Variants in TIAM1 observed in about 807,000 individuals in gnomAD.
TIAM1 encodes the protein TIAM Rac1 associated GEF 1.
TIAM1 carries 65 observed loss-of-function variants against 163.5 expected under a neutral mutation model. The ratio of observed to expected loss-of-function variants is 0.40; its 90% CI spans 0.33 to 0.49. The LOEUF (loss-of-function observed/expected upper bound fraction) is 0.49, where lower values mean the gene tolerates loss of function less well. Ranked by LOEUF, TIAM1 falls within the 20% of genes least tolerant of loss-of-function variation. TIAM1 has a pLI of 0.77. For missense variants in TIAM1, 1,789 were observed against 2,044.7 expected (o/e 0.87, Z 2.41); for synonymous variants, 833 against 810.1 (o/e 1.03, Z -0.48).
chr21:31,152,234 C>T (rs868826008), intron 19 of TIAM1, among the ~76,000 whole-genome samples: 4 of 151,978 alleles, frequency 2.6e-5, no homozygotes, highest in Non-Finnish European at 5.9e-5. Flanking sequence ...GATTTTGCCA[C>T]GTTGGCCAGG....
At chr21:31,546,049 G>GA (rs1262907780) in intron 1 of TIAM1, among the ~76,000 whole-genome samples, 4 of 145,082 alleles carry the variant, frequency 2.8e-5, no homozygotes, top group East Asian at 2.0e-4. Flanking sequence ...TACAGGAAGA[G>GA]AAAAAAATTG....
chr21:31,526,359 T>A (rs949546031), intron 1 of TIAM1, among the ~76,000 whole-genome samples: 32 of 152,232 alleles, frequency 2.1e-4, no homozygotes, highest in African/African-American at 6.8e-4. Flanking sequence ...GATGAGTGCA[T>A]GCACGGCGGA....
At chr21:31,299,287 C>G (rs1425837906) in intron 2 of TIAM1, among the ~76,000 whole-genome samples, 1 of 152,176 alleles carries the variant, frequency 6.6e-6, no homozygotes, top group African/African-American at 2.4e-5. Flanking sequence ...TTTCGCAGCC[C>G]TCCTTTTTAA....
chr21:31,485,148 C>T (rs2046231371), intron 1 of TIAM1, among the ~76,000 whole-genome samples: 1 of 152,142 alleles, frequency 6.6e-6, no homozygotes, highest in Non-Finnish European at 1.5e-5. Flanking sequence ...CTAAGACAAG[C>T]ACCAATCGTA....
chr21:31,203,409 C>T (rs575225930), intron 11 of TIAM1, among the ~76,000 whole-genome samples: 22 of 152,340 alleles, frequency 1.4e-4, no homozygotes, highest in African/African-American at 5.1e-4. Context: ...AGGCGTGGGC[C>T]ACTGCTCCCG....
chr21:31,415,352 C>T (rs925737900), intron 2 of TIAM1, among the ~76,000 whole-genome samples: 1 of 152,150 alleles, frequency 6.6e-6, no homozygotes, highest in Admixed American at 6.5e-5. Context: ...ACTCAGTTAC[C>T]GTCTAAGCAA....
chr21:31,294,506 AG>A (rs546720609), intron 2 of TIAM1, among the ~76,000 whole-genome samples: 177 of 152,342 alleles, frequency 1.2e-3, no homozygotes, highest in African/African-American at 3.7e-3. Flanking sequence ...TTTGAGCACC[AG>A]GGTAACCTGT....
In TIAM1 at chr21:31,245,653, C is replaced by T. The variant is rs759760493; in HGVS notation, c.1419G>A (p.Thr473=). The T allele has an allele frequency of 1.2e-5, 19 of 1,573,608 alleles. No individual in the cohort carries two copies. The highest frequency in any genetic ancestry group is 3.7e-5 in the Admixed American group (2 of 54,346). Residue 473 remains threonine, a synonymous_variant, in exon 6 of 28, where the codon ACG becomes ACA. Coordinates refer to ENST00000541036, the MANE Select transcript of TIAM1 (RefSeq NM_001353694.2). Reference sequence around the variant, plus strand: ...TGCCGTCGCTCTCGTAGAAAAATAGCGTGCATCCTGAGGAAACAGAACAGG... The same window carrying T: ...TGCCGTCGCTCTCGTAGAAAAATAGTGTGCATCCTGAGGAAACAGAACAGG... ...KHYWVSLKGC[T]LFFYESDGRS...
intron 6 of TIAM1, among the ~76,000 whole-genome samples, chr21:31,229,639 T>G (rs1321367553): frequency 6.6e-6 from 1 of 150,496 alleles, no homozygotes; most frequent in Non-Finnish European, 1.5e-5. Context: ...TTTAGGGGAG[T>G]TCGTGTCTTC....
intron 10 of TIAM1, 73 bp from the exon 11 acceptor site, chr21:31,210,288 C>G (rs896406771): frequency 6.7e-7 from 1 of 1,502,008 alleles, no homozygotes; most frequent in African/African-American, 1.4e-5. Flanking sequence ...AGACTGCACA[C>G]AGGAATCACC....
At chr21:31,480,608 T>A (rs969064835) in intron 1 of TIAM1, among the ~76,000 whole-genome samples, 3 of 152,196 alleles carry the variant, frequency 2.0e-5, no homozygotes, top group African/African-American at 7.2e-5. Flanking sequence ...AGCCCTGACC[T>A]TGGCAGTGGC....
At chr21:31,346,098 T>C (rs1273955201), upstream of TIAM1, among the ~76,000 whole-genome samples, 7 of 151,958 alleles carry the variant, frequency 4.6e-5, no homozygotes, top group South Asian at 1.5e-3. Context: ...GCTACTGATA[T>C]CTAGTAGGTA....
chr21:31,154,497 G>A lies in TIAM1; in HGVS notation c.2992-71C>T, dbSNP rs779680793. 12 of 1,470,622 alleles carry A rather than the reference G, an allele frequency of 8.2e-6. No homozygotes were observed. In the East Asian group the frequency reaches 9.2e-5, roughly 11 times the overall value. 91.1% of individuals were successfully genotyped at this position (1,470,622 alleles called of 1,614,324 possible). On this transcript the variant is annotated intron_variant, in intron 16 of 27. Coordinates refer to ENST00000541036, the MANE Select transcript of TIAM1 (RefSeq NM_001353694.2). ...ATTAGACGCACCTGACACCTGGACC[G>A]CCTAGAGGTGTTCTCCCTGGTTAGT... is the stretch of plus-strand genomic sequence containing the variant.
At chr21:31,425,592 T>TG (rs2147267702) in intron 2 of TIAM1, among the ~76,000 whole-genome samples, 1 of 152,010 alleles carries the variant, frequency 6.6e-6, no homozygotes, top group African/African-American at 2.4e-5. Context: ...TGCTTTTTTT[T>TG]TTTTTTTACA....
chr21:31,544,495 G>A (rs1162783678), intron 1 of TIAM1, among the ~76,000 whole-genome samples: 1 of 151,888 alleles, frequency 6.6e-6, no homozygotes, highest in African/African-American at 2.4e-5. Context: ...AGGCACGATG[G>A]TGGGCGCCTG....
intron 15 of TIAM1, among the ~76,000 whole-genome samples, chr21:31,178,240 G>A (rs934774341): frequency 1.3e-5 from 2 of 149,642 alleles, no homozygotes; most frequent in Non-Finnish European, 3.0e-5. Context: ...GTGGGGAAGT[G>A]AAATGCCTTC....
intron 2 of TIAM1, among the ~76,000 whole-genome samples, chr21:31,440,901 T>A (rs1426184420): frequency 6.6e-6 from 1 of 151,968 alleles, no homozygotes; most frequent in Non-Finnish European, 1.5e-5. Flanking sequence ...AAAAGACAAA[T>A]GAAGTGGTAA....
chr21:31,271,240 A>G (rs1228199985), intron 3 of TIAM1, among the ~76,000 whole-genome samples: 1 of 148,108 alleles, frequency 6.8e-6, no homozygotes, highest in Admixed American at 6.6e-5. Flanking sequence ...AAAACCCAAA[A>G]GAAAAAAAAA....
intron 2 of TIAM1, among the ~76,000 whole-genome samples, chr21:31,428,994 C>CTTTGTTTGTTTG (rs376708387): frequency 0.031 from 4,729 of 151,822 alleles, 227 homozygotes; most frequent in African/African-American, 0.11. Context: ...TACAACCTAA[C>CTTTGTTTGTTTG]TTTGTTTGTT....
Sources: gnomAD v4.1 joint callset for allele counts (sites outside exome capture counted in the v4.1 genomes callset) on GRCh38, gnomAD v4.1.1 for gene constraint, MANE v1.5 for transcripts, NCBI Gene and HGNC (gene_info 2026-07-23, HGNC 2026-07-21) for gene names.